Variants in PTPRM observed in about 807,000 individuals in gnomAD.
The protein encoded by PTPRM is protein tyrosine phosphatase receptor type M.
PTPRM carries 47 observed loss-of-function variants against 186.7 expected under a neutral mutation model. The ratio of observed to expected loss-of-function variants is 0.25; its 90% CI spans 0.20 to 0.32. PTPRM has a LOEUF of 0.32. PTPRM is among the 10% of genes least tolerant of loss of function. The pLI is 1.00. For synonymous variants in PTPRM, 668 were observed against 674.9 expected, an observed-to-expected ratio of 0.99 and a Z score of 0.16; for missense variants, 1,494 against 1,865.0, an observed-to-expected ratio of 0.80 and a Z score of 3.66.
chr18:7,873,687 G>A (rs1302268993), intron 2 of PTPRM, among the ~76,000 whole-genome samples: 2 of 152,104 alleles, frequency 1.3e-5, no homozygotes, highest in East Asian at 3.9e-4. Flanking sequence ...TTTCTTTTGG[G>A]CTGGAAGCTG....
intron 9 of PTPRM, among the ~76,000 whole-genome samples, chr18:8,077,295 A>G (rs927243945): frequency 1.3e-5 from 2 of 152,092 alleles, no homozygotes; most frequent in Non-Finnish European, 2.9e-5. Context: ...AAATCGTGGC[A>G]AATTCTCATA....
chr18:7,641,491 C>T (rs2038442269), intron 1 of PTPRM, among the ~76,000 whole-genome samples: 1 of 152,132 alleles, frequency 6.6e-6, no homozygotes, highest in African/African-American at 2.4e-5. Flanking sequence ...AAAAAAAACA[C>T]ACATCTTCCA....
intron 5 of PTPRM, among the ~76,000 whole-genome samples, chr18:7,939,376 C>A (rs979202266): frequency 1.3e-5 from 2 of 152,310 alleles, no homozygotes; most frequent in South Asian, 2.1e-4. Flanking sequence ...CAATTTCTTT[C>A]AATCATTGCT....
At chr18:8,344,448 G>GTGTGTGTATATATATATATATATATATA (rs1360655194) in intron 23 of PTPRM, among the ~76,000 whole-genome samples, 12 of 33,418 alleles carry the variant, frequency 3.6e-4, no homozygotes, top group Middle Eastern at 0.042. Flanking sequence ...GTGTGTGTGT[G>GTGTGTGTATATATATATATATATATATA]TATATATATA....
At chr18:8,111,504 T>C (rs899275197) in intron 11 of PTPRM, among the ~76,000 whole-genome samples, 2 of 151,950 alleles carry the variant, frequency 1.3e-5, no homozygotes, top group African/African-American at 4.8e-5. Context: ...TTCCAGCTAC[T>C]TGGGAGGCTG....
intron 7 of PTPRM, among the ~76,000 whole-genome samples, chr18:7,978,618 G>A (rs1288575816): frequency 6.6e-6 from 1 of 152,130 alleles, no homozygotes; most frequent in Non-Finnish European, 1.5e-5. Context: ...TGTTTGACAC[G>A]TTAGCTTGGC....
intron 14 of PTPRM, among the ~76,000 whole-genome samples, chr18:8,238,724 G>A (rs972156464): frequency 7.8e-6 from 1 of 128,682 alleles, no homozygotes; most frequent in Non-Finnish European, 1.6e-5. Flanking sequence ...AGGAACTGTG[G>A]TAAATAGGCC....
At chr18:7,739,063 T>G (rs1470160326) in intron 1 of PTPRM, among the ~76,000 whole-genome samples, 1 of 152,126 alleles carries the variant, frequency 6.6e-6, no homozygotes, top group East Asian at 1.9e-4. Context: ...AATCCACTTT[T>G]CTCGTCGCAC....
Position 7,887,753 on chromosome 18 carries a change from C to T in PTPRM, c.197-353C>T, listed in dbSNP as rs149661855. The stretch of plus-strand genomic sequence containing the variant: ...AACACAGTTGGTGTGAATGAGGACA[C>T]GCATTTTAAATATGGAATTTTAATT... On this transcript the variant is annotated intron_variant, in intron 2 of 32. Transcript: ENST00000580170. Among the ~76,000 whole-genome samples the T allele has an allele frequency of 3.8e-4, 58 of 152,272 alleles. 1 individual carries two copies. The highest frequency in any genetic ancestry group is 2.1e-3 in the East Asian group (11 of 5,186).
At chr18:7,617,341 G>A (rs1177581504) in intron 1 of PTPRM, among the ~76,000 whole-genome samples, 1 of 152,164 alleles carries the variant, frequency 6.6e-6, no homozygotes, top group African/African-American at 2.4e-5. Flanking sequence ...AGGTCTTGCT[G>A]CAGTGTCCCC....
chr18:7,951,673 C>G (rs931993345), intron 6 of PTPRM, among the ~76,000 whole-genome samples: 3 of 152,070 alleles, frequency 2.0e-5, no homozygotes, highest in African/African-American at 7.2e-5. Flanking sequence ...GCAGTTAGGA[C>G]TCAAATATGA....
At chr18:8,216,219 T>C (rs1362640451) in intron 14 of PTPRM, among the ~76,000 whole-genome samples, 1 of 152,224 alleles carries the variant, frequency 6.6e-6, no homozygotes, top group African/African-American at 2.4e-5. Flanking sequence ...CTTTAACGTT[T>C]TTCCAACAAG....
At chr18:7,696,960 T>C (rs2039858798) in intron 1 of PTPRM, among the ~76,000 whole-genome samples, 2 of 152,200 alleles carry the variant, frequency 1.3e-5, no homozygotes, top group Non-Finnish European at 2.9e-5. Flanking sequence ...AGATGATCCA[T>C]AGAAACACAA....
intron 19 of PTPRM, among the ~76,000 whole-genome samples, chr18:8,256,141 C>A (rs2094572652): frequency 6.6e-6 from 1 of 152,134 alleles, no homozygotes; most frequent in South Asian, 2.1e-4. Flanking sequence ...AGTCTGCATC[C>A]TTTTCATTAA....
intron 1 of PTPRM, among the ~76,000 whole-genome samples, chr18:7,696,622 G>A (rs2039850180): frequency 6.6e-6 from 1 of 152,212 alleles, no homozygotes; most frequent in South Asian, 2.1e-4. Context: ...GAGTTTGGTG[G>A]TAGACTGCTA....
At position 8,378,302 on chromosome 18, in the gene PTPRM, C is replaced by G; in HGVS notation, c.3500C>G (p.Ala1167Gly). The G allele has an allele frequency of 1.2e-6, 2 of 1,612,972 alleles. No homozygotes were observed. Among genetic ancestry groups the G allele is most frequent in the Non-Finnish European group, 1.7e-6 (2 of 1,178,920 alleles). Residue 1167 changes from alanine to glycine, a missense_variant, in exon 27 of 33, where the codon GCC becomes GGC. Around this residue, in one of 3 missense-constraint regions of PTPRM, gnomAD observed 1,107 missense variants for 1,350.2 expected, o/e 0.82. Transcript: ENST00000580170. ...YVFIHDAILEACLCGDTSVPA... is the reference protein window; with the variant it reads ...YVFIHDAILEGCLCGDTSVPA... ...TTTATCCACGATGCGATCCTGGAAG[C>G]CTGTCTTTGTGGGGACACCTCTGTG...
At chr18:8,019,575 C>T (rs1417233264) in intron 7 of PTPRM, among the ~76,000 whole-genome samples, 1 of 151,272 alleles carries the variant, frequency 6.6e-6, no homozygotes, top group Non-Finnish European at 1.5e-5. Context: ...TTTTATTTTC[C>T]TCCTACTTCT....
At chr18:8,353,720 A>C (rs946307069) in intron 23 of PTPRM, among the ~76,000 whole-genome samples, 32 of 118,362 alleles carry the variant, frequency 2.7e-4, no homozygotes, top group African/African-American at 1.3e-3. Context: ...TGAGTTTAAG[A>C]AGCTGAATGA....
chr18:7,816,170 C>T (rs745536589), intron 2 of PTPRM, among the ~76,000 whole-genome samples: 4 of 152,140 alleles, frequency 2.6e-5, no homozygotes, highest in African/African-American at 4.8e-5. Context: ...GTTAACACAT[C>T]TGATTATATA....
Sources: gnomAD v4.1 joint callset for allele counts (sites outside exome capture counted in the v4.1 genomes callset) on GRCh38, gnomAD v4.1.1 for gene constraint, gnomAD v4.1.1 regional missense constraint, MANE v1.5 for transcripts, NCBI Gene and HGNC (gene_info 2026-07-23, HGNC 2026-07-21) for gene names.